Variants in ALDH1L1 observed in about 807,000 individuals in gnomAD.
ALDH1L1 encodes aldehyde dehydrogenase 1 family member L1, also known as cytosolic 10-formyltetrahydrofolate dehydrogenase.
A neutral mutation model predicts 101.1 loss-of-function variants in ALDH1L1; 68 were observed. The ratio of observed to expected loss-of-function variants is 0.67; its 90% CI spans 0.55 to 0.82. The LOEUF (loss-of-function observed/expected upper bound fraction) is 0.82. Among genes scored for constraint, ALDH1L1 ranks in the 40% least tolerant of loss-of-function variants. The probability of loss-of-function intolerance (pLI) is 0.00; values close to 1 mark genes in which losing one functional copy is unlikely to be tolerated. For missense variants in ALDH1L1, 1,087 were observed against 1,172.7 expected, an observed-to-expected ratio of 0.93 and a Z score of 1.07; for synonymous variants, 486 against 470.8, an observed-to-expected ratio of 1.03 and a Z score of -0.42.
chr3:126,106,775 C>T (rs1176303733), intron 21 of ALDH1L1, among the ~76,000 whole-genome samples: 2 of 152,162 alleles, frequency 1.3e-5, no homozygotes, highest in Non-Finnish European at 2.9e-5. Flanking sequence ...GAACCTAGAC[C>T]GTGACTAAAA....
chr3:126,130,003 C>T (rs1231423198), intron 14 of ALDH1L1: 3 of 415,152 alleles, frequency 7.2e-6, no homozygotes, highest in African/African-American at 6.2e-5. Context: ...TGTTTCCCAC[C>T]GTGGACCTGA....
intron 8 of ALDH1L1, 148 bp downstream of exon 8, chr3:126,150,258 G>A: frequency 7.5e-7 from 1 of 1,324,878 alleles, no homozygotes; most frequent in African/African-American, 1.5e-5. Flanking sequence ...AAAGCTCCAA[G>A]ACGAGATAGA....
chr3:126,151,464 G>C (rs1483855556), intron 7 of ALDH1L1: 1 of 152,142 alleles, frequency 6.6e-6, no homozygotes, highest in East Asian at 1.9e-4. Flanking sequence ...CATGACTCTG[G>C]GCTACTCTAG....
intron 4 of ALDH1L1, 64 bp downstream of exon 4, chr3:126,157,279 G>A (rs1576470214): frequency 1.9e-6 from 3 of 1,557,086 alleles, no homozygotes; most frequent in East Asian, 2.3e-5. Context: ...GGTGGGCTGG[G>A]TCTAGGGAGG....
At position 126,160,778 on chromosome 3, in the gene ALDH1L1, C is replaced by G. The variant is rs560605475; in HGVS notation, c.127+75G>C. 4.8e-5 allele frequency: 76 copies of G among 1,574,054 alleles called. 1 individual carries two copies. The South Asian group carries it at 8.8e-4, about 18-fold the overall frequency. ...CCTGCAGACTTCTGCTCCCAGACTCCCACCTACTGCTTCCCTTCTACCTGG... is the reference window on the plus strand; with the variant it reads ...CCTGCAGACTTCTGCTCCCAGACTCGCACCTACTGCTTCCCTTCTACCTGG... On this transcript the variant is annotated intron_variant, in intron 2 of 22. Coordinates refer to ENST00000393434, the MANE Select transcript of ALDH1L1 (RefSeq NM_012190.4).
intron 7 of ALDH1L1, chr3:126,153,139 G>A (rs4646712): frequency 0.27 from 117,947 of 430,592 alleles, 17,735 homozygotes; most frequent in Middle Eastern, 0.35. Context: ...CTCCCTGGGA[G>A]GGCTTCTCTC....
At chr3:126,130,155 G>T in intron 14 of ALDH1L1, 68 bp downstream of exon 14, 1 of 1,432,698 alleles carries the variant, frequency 7.0e-7, no homozygotes, top group Non-Finnish European at 9.3e-7. Context: ...CCCGCAGGCT[G>T]TGCTACAGTT....
chr3:126,182,989 T>G (rs1327910907), upstream of ALDH1L1, among the ~76,000 whole-genome samples: 1 of 152,126 alleles, frequency 6.6e-6, no homozygotes, highest in African/African-American at 2.4e-5. Context: ...GCTGTGAAAA[T>G]GTCCAGCTTC....
intron 19 of ALDH1L1, among the ~76,000 whole-genome samples, chr3:126,110,701 A>C (rs1576411009): frequency 6.6e-6 from 1 of 151,830 alleles, no homozygotes. Context: ...CACCCGGCAC[A>C]CCCCTCTGCT....
At chr3:126,112,928 C>A in intron 18 of ALDH1L1, 48 bp from the exon 19 acceptor site, 5 of 1,577,684 alleles carry the variant, frequency 3.2e-6, no homozygotes, top group Non-Finnish European at 4.3e-6. Context: ...TCCTGGGACA[C>A]CAGCCCCCGG....
intron 16 of ALDH1L1, among the ~76,000 whole-genome samples, chr3:126,123,630 A>C (rs1368181312): frequency 9.3e-6 from 1 of 107,286 alleles, no homozygotes; most frequent in Non-Finnish European, 1.8e-5. Flanking sequence ...CAACCCAAAA[A>C]GCTGCAAAAA....
intron 17 of ALDH1L1, among the ~76,000 whole-genome samples, chr3:126,116,938 G>A (rs2079982152): frequency 6.6e-6 from 1 of 152,196 alleles, no homozygotes; most frequent in Admixed American, 6.5e-5. Flanking sequence ...GAAGACATGA[G>A]TTGACCTAGA....
intron 1 of ALDH1L1, among the ~76,000 whole-genome samples, chr3:126,172,454 A>G (rs1281814439): frequency 1.1e-4 from 16 of 152,094 alleles, no homozygotes; most frequent in Non-Finnish European, 2.1e-4. Context: ...TAATAGGTTT[A>G]TCAATAGACT....
chr3:126,127,927 A>T (rs1007483079), intron 14 of ALDH1L1, among the ~76,000 whole-genome samples: 3 of 152,216 alleles, frequency 2.0e-5, no homozygotes, highest in African/African-American at 7.2e-5. Context: ...TAGAGAGGGC[A>T]GGCTGGGAGC....
chr3:126,148,380 C>T (rs757443385), intron 8 of ALDH1L1, among the ~76,000 whole-genome samples: 2 of 152,214 alleles, frequency 1.3e-5, no homozygotes, highest in Non-Finnish European at 2.9e-5. Context: ...CACTACCTGC[C>T]GAGCCCACAG....
chr3:126,130,163 G>A, intron 14 of ALDH1L1, 60 bp downstream of exon 14: 1 of 1,489,120 alleles, frequency 6.7e-7, no homozygotes, highest in Non-Finnish European at 9.0e-7. Context: ...CTGTGCTACA[G>A]TTCCGTGTAC....
At chr3:126,189,003 G>C (rs1042022788) in intron 1 of ALDH1L1, among the ~76,000 whole-genome samples, 3 of 152,064 alleles carry the variant, frequency 2.0e-5, no homozygotes, top group Admixed American at 6.6e-5. Context: ...GCAACAAAAA[G>C]CATCAGCACC....
At chr3:126,139,891 G>C (rs2080530726) in intron 9 of ALDH1L1, among the ~76,000 whole-genome samples, 1 of 152,074 alleles carries the variant, frequency 6.6e-6, no homozygotes, top group African/African-American at 2.4e-5. Context: ...GAAGAAAAAT[G>C]AAAAGAGCCT....
intron 21 of ALDH1L1, 128 bp from the exon 22 acceptor site, chr3:126,106,053 A>G (rs1237600332): frequency 9.9e-7 from 1 of 1,009,846 alleles, no homozygotes; most frequent in Admixed American, 2.7e-5. Context: ...GCCGGGCTGC[A>G]GCGCCGGGGG....
Sources: allele counts gnomAD v4.1 joint callset (sites outside exome capture counted in the v4.1 genomes callset), GRCh38; gene constraint gnomAD v4.1.1; transcripts MANE v1.5; gene names NCBI Gene and HGNC (gene_info 2026-07-23, HGNC 2026-07-21).